The following C12orf50 variants were observed in gnomAD, a reference collection of about 807,000 sequenced individuals.
C12orf50 encodes uncharacterized protein C12orf50.
C12orf50 carries 35 observed loss-of-function variants against 61.6 expected under a neutral mutation model. That is an observed-to-expected ratio of 0.57 (90% confidence interval 0.43 to 0.75). The LOEUF (loss-of-function observed/expected upper bound fraction) is 0.75. Among genes scored for constraint, C12orf50 ranks in the 30% least tolerant of loss-of-function variants. The pLI is 0.00. For synonymous variants in C12orf50, 178 were observed against 161.5 expected (o/e 1.10, Z -0.77); for missense variants, 475 against 488.5 (o/e 0.97, Z 0.26).
At chr12:87,994,496 A>T in intron 7 of C12orf50, 137 bp downstream of exon 7, 1 of 653,690 alleles carries the variant, frequency 1.5e-6, no homozygotes, top group South Asian at 2.2e-5. Context: ...AAAGCAACTG[A>T]TTTTGTGATA....
At chr12:87,988,628 G>A (rs1281002406) in intron 8 of C12orf50, among the ~76,000 whole-genome samples, 2 of 152,098 alleles carry the variant, frequency 1.3e-5, no homozygotes, top group Non-Finnish European at 2.9e-5. Context: ...AATTTTCCAC[G>A]AAAATGATTT....
chr12:87,996,049 GA>G (rs1206499906), intron 6 of C12orf50, among the ~76,000 whole-genome samples: 1 of 152,114 alleles, frequency 6.6e-6, no homozygotes, highest in Non-Finnish European at 1.5e-5. Context: ...TTTCTATTCA[GA>G]AAGAAAAATC....
At chr12:88,014,312 A>C (rs1437580744) in intron 3 of C12orf50, among the ~76,000 whole-genome samples, 2 of 151,760 alleles carry the variant, frequency 1.3e-5, no homozygotes, top group African/African-American at 4.8e-5. Flanking sequence ...TTATTTATTT[A>C]TTTTTTAGAG....
intron 12 of C12orf50, among the ~76,000 whole-genome samples, chr12:87,981,699 T>C (rs1162328528): frequency 2.0e-5 from 3 of 152,032 alleles, no homozygotes; most frequent in African/African-American, 7.2e-5. Flanking sequence ...AAGACTTCAT[T>C]TGGACCCACT....
intron 1 of C12orf50, 134 bp from the exon 2 acceptor site, chr12:88,027,204 A>G: frequency 1.1e-6 from 1 of 943,218 alleles, no homozygotes; most frequent in East Asian, 3.0e-5. Flanking sequence ...TATCAATTTT[A>G]GGCCATAAGT....
At chr12:87,987,765 TA>T in intron 9 of C12orf50, 84 bp downstream of exon 9, 2 of 909,242 alleles carry the variant, frequency 2.2e-6, no homozygotes, top group Non-Finnish European at 3.4e-6. Flanking sequence ...CTTTCTTTTT[TA>T]AAATTCTATT....
intron 3 of C12orf50, among the ~76,000 whole-genome samples, chr12:88,003,917 C>A (rs1472162614): frequency 6.6e-6 from 1 of 151,908 alleles, no homozygotes; most frequent in African/African-American, 2.4e-5. Flanking sequence ...CCTCATATTT[C>A]TCTTAGGCTT....
At chr12:88,005,753 G>T (rs1400977565) in intron 3 of C12orf50, among the ~76,000 whole-genome samples, 1 of 146,144 alleles carries the variant, frequency 6.8e-6, no homozygotes, top group African/African-American at 2.5e-5. Flanking sequence ...GAGAATCCAT[G>T]TTTTTAAACA....
At position 87,997,951 on chromosome 12, in the gene C12orf50, C is replaced by T. The variant is rs762070868; in HGVS notation, c.289+84G>A. 1.4e-4 allele frequency: 152 copies of T among 1,110,382 alleles called. 1 individual carries two copies. The highest frequency in any genetic ancestry group is 1.8e-4 in the Non-Finnish European group (144 of 791,994). The allele number at this position is 1,110,382 out of a possible 1,614,324, so 68.8% of individuals were successfully genotyped here. A position where few individuals can be genotyped will look rare whatever the true frequency, so the allele number is the denominator to read the frequency against. On this transcript the variant is annotated intron_variant, in intron 4 of 12. Transcript: ENST00000298699. ...GCAAAATCTGCCTTATATATTACAT[C>T]ATAAACCTTTACAGTTAAACACATA...
chr12:88,004,072 A>AT (rs2031757957), intron 3 of C12orf50, among the ~76,000 whole-genome samples: 1 of 151,570 alleles, frequency 6.6e-6, no homozygotes, highest in South Asian at 2.1e-4. Context: ...CCCATTTCAG[A>AT]TATTGTGTGT....
chr12:87,990,246 C>T (rs946873061), intron 7 of C12orf50, among the ~76,000 whole-genome samples: 5 of 152,140 alleles, frequency 3.3e-5, no homozygotes, highest in Non-Finnish European at 5.9e-5. Flanking sequence ...AGATTAACCT[C>T]CAGTTAACTG....
intron 12 of C12orf50, among the ~76,000 whole-genome samples, chr12:87,982,216 C>T (rs1184145503): frequency 2.6e-5 from 4 of 152,036 alleles, no homozygotes; most frequent in South Asian, 4.2e-4. Context: ...TCTTTCCCCA[C>T]CCCCCAAATT....
At chr12:87,989,465 T>C in intron 7 of C12orf50, 94 bp from the exon 8 acceptor site, 1 of 805,480 alleles carries the variant, frequency 1.2e-6, no homozygotes, top group Non-Finnish European at 2.0e-6. Context: ...ACCCCTTTTG[T>C]TCACCTTTCT....
At chr12:88,025,362 T>C (rs2032663428) in intron 3 of C12orf50, among the ~76,000 whole-genome samples, 1 of 152,090 alleles carries the variant, frequency 6.6e-6, no homozygotes, top group Admixed American at 6.5e-5. Flanking sequence ...TCTCTTCTTA[T>C]TAAAAGTTTC....
intron 11 of C12orf50, chr12:87,983,801 T>C (rs1207735723): frequency 3.8e-5 from 5 of 131,404 alleles, no homozygotes; most frequent in Non-Finnish European, 5.2e-5. Flanking sequence ...TGTTGGACAT[T>C]TGGGTCGGTT....
At chr12:88,019,966 G>T (rs962267948) in intron 3 of C12orf50, among the ~76,000 whole-genome samples, 2 of 152,068 alleles carry the variant, frequency 1.3e-5, no homozygotes, top group Non-Finnish European at 2.9e-5. Flanking sequence ...GGATAAATAA[G>T]ATCCTTTTCA....
chr12:88,008,058 C>CT (rs34825437), intron 3 of C12orf50, among the ~76,000 whole-genome samples: 34 of 148,018 alleles, frequency 2.3e-4, no homozygotes, highest in South Asian at 1.1e-3. Flanking sequence ...ACAGCAATAG[C>CT]TTTTTTTTTT....
chr12:87,985,882 G>T lies in C12orf50; in HGVS notation c.1094C>A (p.Ala365Asp). The T allele has an allele frequency of 6.2e-7, 1 of 1,613,334 alleles. No individual in the cohort carries two copies. Among genetic ancestry groups the T allele is most frequent in the Non-Finnish European group, 8.5e-7 (1 of 1,179,842 alleles). Residue 365 changes from alanine to aspartate, a missense_variant, in exon 11 of 13, where the codon GCT becomes GAT. Transcript: ENST00000298699. ...GAGGTTGGGTTTGGGTTCCCTGTTA[G>T]CATGGACTTTATTGTAGGACCCATG... is the stretch of plus-strand genomic sequence containing the variant. ...PTHGSYNKVH[A>D]NREPKPNLSP... is the part of the protein sequence containing the mutation.
In C12orf50 at chr12:88,008,457, T is replaced by C. The variant is rs146727176; in HGVS notation, c.134-10267A>G. ...ATATGTATTAATACCACATTTTCTT[T>C]ATCCAGTCTATCATTGTTGGGCATG... On this transcript the variant is annotated intron_variant, in intron 3 of 12. Coordinates refer to ENST00000298699, the MANE Select transcript of C12orf50 (RefSeq NM_152589.3). Among the ~76,000 whole-genome samples the C allele has an allele frequency of 2.4e-3, 362 of 152,290 alleles. 2 individuals are homozygous for C. The highest frequency in any genetic ancestry group is 8.4e-3 in the African/African-American group (349 of 41,568).
Sources: allele counts gnomAD v4.1 joint callset (sites outside exome capture counted in the v4.1 genomes callset), GRCh38; gene constraint gnomAD v4.1.1; transcripts MANE v1.5; gene names NCBI Gene and HGNC (gene_info 2026-07-23, HGNC 2026-07-21).